The following SAV1 variants were observed in gnomAD, a reference collection of about 807,000 sequenced individuals.
SAV1 encodes the protein protein salvador homolog 1.
In SAV1, 23 loss-of-function variants were observed where a neutral mutation model predicts 47.3. The ratio of observed to expected loss-of-function variants is 0.49; its 90% CI spans 0.35 to 0.69. SAV1 has a LOEUF of 0.69. Ranked by LOEUF, SAV1 falls within the 30% of genes least tolerant of loss-of-function variation. The pLI is 0.01. For missense variants in SAV1, 448 were observed against 457.4 expected (o/e 0.98, Z 0.19); for synonymous variants, 155 against 159.2 (o/e 0.97, Z 0.20).
rs576975270 is a variant in SAV1 at position 50,637,461 on chromosome 14, C to A, written c.951-2077G>T. Among the ~76,000 whole-genome samples, 10 of 152,242 alleles carry A rather than the reference C, an allele frequency of 6.6e-5. 1 individual carries two copies. In the South Asian group the frequency reaches 1.9e-3, roughly 28 times the overall value. On this transcript the variant is annotated intron_variant, in intron 4 of 4. Coordinates refer to ENST00000324679, the MANE Select transcript of SAV1 (RefSeq NM_021818.4). ...CTAAGAGGCAATTCAGCAATGTCTA[C>A]TAAGTCAAGATGGTTACCATTTATA... is the stretch of plus-strand genomic sequence containing the variant.
chr14:50,647,826 C>G (rs934928567), intron 2 of SAV1, among the ~76,000 whole-genome samples: 2 of 152,174 alleles, frequency 1.3e-5, no homozygotes, highest in Admixed American at 1.3e-4. Flanking sequence ...AATTGGAATG[C>G]CCATACACTG....
rs1307282548 is a variant in SAV1, at chr14:50,665,333, T to C, written c.381A>G (p.Gly127=). ...AATAATAATATCGGGAACCAGAGTC[T>C]CCATTTTCAACAGCAAAACTAACTT... The part of the protein sequence containing the change: ...VTEVSFAVEN[G]DSGSRYYYSD... Residue 127 remains glycine, a synonymous_variant, in exon 2 of 5, where the codon GGA becomes GGG. Coordinates refer to ENST00000324679, the MANE Select transcript of SAV1 (RefSeq NM_021818.4). 1.2e-6 allele frequency: 2 copies of C among 1,613,736 alleles called. No homozygotes were observed. The highest frequency in any genetic ancestry group is 4.5e-5 in the East Asian group (2 of 44,874).
intron 2 of SAV1, among the ~76,000 whole-genome samples, chr14:50,658,862 T>C (rs2039834638): frequency 6.6e-6 from 1 of 152,042 alleles, no homozygotes; most frequent in Admixed American, 6.5e-5. Context: ...CATATTCAGA[T>C]TTTTCCCTTG....
intron 2 of SAV1, among the ~76,000 whole-genome samples, chr14:50,646,170 A>G (rs1287869476): frequency 6.6e-6 from 1 of 152,196 alleles, no homozygotes; most frequent in Non-Finnish European, 1.5e-5. Context: ...TTTCCTATAC[A>G]TACGTATCTA....
At chr14:50,651,860 A>C (rs1056549505) in intron 2 of SAV1, among the ~76,000 whole-genome samples, 4 of 152,146 alleles carry the variant, frequency 2.6e-5, no homozygotes, top group African/African-American at 9.7e-5. Flanking sequence ...CAAAACCCTT[A>C]GACTCAAGCA....
intron 2 of SAV1, among the ~76,000 whole-genome samples, chr14:50,654,567 T>C (rs888739746): frequency 5.3e-5 from 8 of 152,210 alleles, no homozygotes; most frequent in African/African-American, 9.6e-5. Flanking sequence ...TGAAAAAAGT[T>C]TGAAATATTG....
Position 50,635,102 on chromosome 14 carries a change from A to T in SAV1, c.*81T>A. On this transcript the variant is annotated 3_prime_UTR_variant, in exon 5 of 5. Transcript: ENST00000324679. ...TTCCACAAAGGAAGCAGCATTTATT[A>T]ACCAGAGTACTTGTTTGCAATTTTT... The T allele has an allele frequency of 1.1e-6, 1 of 925,390 alleles. No individual in the cohort carries two copies. The highest frequency in any genetic ancestry group is 1.7e-6 in the Non-Finnish European group (1 of 590,310). The allele number at this position is 925,390 out of a possible 1,614,324, so 57.3% of individuals were successfully genotyped here.
intron 2 of SAV1, chr14:50,662,522 TG>T (rs1395530510): frequency 6.6e-6 from 1 of 152,222 alleles, no homozygotes; most frequent in African/African-American, 2.4e-5. Flanking sequence ...GCAATTAACT[TG>T]TACTTTATTT....
At chr14:50,639,387 A>G (rs2140248191) in intron 4 of SAV1, among the ~76,000 whole-genome samples, 1 of 152,252 alleles carries the variant, frequency 6.6e-6, no homozygotes, top group Middle Eastern at 3.4e-3. Flanking sequence ...TCTAATTCAT[A>G]GATAACCACT....
In SAV1 at chr14:50,634,096, G is replaced by C. The variant is rs920919563; in HGVS notation, c.*1087C>G. On this transcript the variant is annotated 3_prime_UTR_variant, in exon 5 of 5. Coordinates refer to ENST00000324679, the MANE Select transcript of SAV1 (RefSeq NM_021818.4). ...CATTTTTGGTAGCTTAACCCAGTCT[G>C]TCAGAAGGCAGTATGCTATGCTGTC... 6.5e-5 allele frequency: 27 copies of C among 417,770 alleles called. No homozygotes were observed. Among genetic ancestry groups the C allele is most frequent in the African/African-American group, 4.7e-4 (23 of 49,040 alleles). The allele number at this position is 417,770 out of a possible 1,614,324, so 25.9% of individuals were successfully genotyped here.
At chr14:50,635,894 A>T (rs1348897942) in intron 4 of SAV1, among the ~76,000 whole-genome samples, 4 of 152,094 alleles carry the variant, frequency 2.6e-5, no homozygotes, top group Admixed American at 2.6e-4. Context: ...TTTTTAGTAG[A>T]GACAGAGTTT....
chr14:50,643,130 C>G (rs1428229601), intron 3 of SAV1, among the ~76,000 whole-genome samples: 1 of 152,116 alleles, frequency 6.6e-6, no homozygotes, highest in South Asian at 2.1e-4. Context: ...TTAAGGGCAG[C>G]GTTTATTCTC....
At chr14:50,663,948 T>C (rs1486283131) in intron 2 of SAV1, among the ~76,000 whole-genome samples, 3 of 152,216 alleles carry the variant, frequency 2.0e-5, no homozygotes, top group Non-Finnish European at 2.9e-5. Flanking sequence ...CTACTCTGTT[T>C]TCATTGTGCT....
chr14:50,639,565 A>G (rs546140738), intron 4 of SAV1, among the ~76,000 whole-genome samples: 7 of 152,286 alleles, frequency 4.6e-5, no homozygotes, highest in African/African-American at 1.7e-4. Context: ...GAAGAATTAC[A>G]ACCTATTTGC....
rs753670989 is a variant in SAV1 at position 50,644,708 on chromosome 14, C to T, written c.806+36G>A. Reference sequence around the variant, plus strand: ...TTCAAAACCTAACATTAGACAATCCCGAAACAAAAAGTTGAAAATAAAGTT... The same window carrying T: ...TTCAAAACCTAACATTAGACAATCCTGAAACAAAAAGTTGAAAATAAAGTT... On this transcript the variant is annotated intron_variant, in intron 3 of 4. Coordinates refer to ENST00000324679, the MANE Select transcript of SAV1 (RefSeq NM_021818.4). 4 of 1,577,378 alleles carry T rather than the reference C, an allele frequency of 2.5e-6. 1 individual carries two copies. Among genetic ancestry groups the T allele is most frequent in the South Asian group, 2.3e-5 (2 of 86,854 alleles).
chr14:50,646,797 A>AT (rs1566742586), intron 2 of SAV1, among the ~76,000 whole-genome samples: 1 of 152,138 alleles, frequency 6.6e-6, no homozygotes, highest in Non-Finnish European at 1.5e-5. Flanking sequence ...AGCCAAAACA[A>AT]TTTTTTTGAA....
rs569808985 is a variant in SAV1 at position 50,639,295 on chromosome 14, T to C, written c.950+1455A>G. ...GGATTAAAGAATTTCAGATTCTCAA[T>C]TGTCTGAAAAACAAAAGGAAGAAAC... is the stretch of plus-strand genomic sequence containing the variant. On this transcript the variant is annotated intron_variant, in intron 4 of 4. Coordinates refer to ENST00000324679, the MANE Select transcript of SAV1 (RefSeq NM_021818.4). Among the ~76,000 whole-genome samples, 49 of 152,360 alleles carry C rather than the reference T, an allele frequency of 3.2e-4. 1 individual carries two copies. The South Asian group carries it at 7.5e-3, about 23-fold the overall frequency.
At chr14:50,637,357 C>T (rs1429210374) in intron 4 of SAV1, among the ~76,000 whole-genome samples, 1 of 152,174 alleles carries the variant, frequency 6.6e-6, no homozygotes, top group Admixed American at 6.5e-5. Context: ...ATCCACCATT[C>T]TTGTAACTTA....
intron 2 of SAV1, among the ~76,000 whole-genome samples, chr14:50,647,913 T>C (rs2039735981): frequency 1.3e-5 from 2 of 152,222 alleles, no homozygotes; most frequent in Non-Finnish European, 2.9e-5. Context: ...CATATGCTTT[T>C]CATATGCTAC....
Sources: gnomAD v4.1 joint callset for allele counts (sites outside exome capture counted in the v4.1 genomes callset) on GRCh38, gnomAD v4.1.1 for gene constraint, MANE v1.5 for transcripts, NCBI Gene and HGNC (gene_info 2026-07-23, HGNC 2026-07-21) for gene names.